COL26A1: variants seen among roughly 807,000 people sequenced by gnomAD.
COL26A1 encodes collagen type XXVI alpha 1 chain.
A neutral mutation model predicts 59.3 loss-of-function variants in COL26A1; 41 were observed. The observed-to-expected ratio is 0.69, with a 90% CI of 0.54 to 0.90. The LOEUF is 0.90. Among genes scored for constraint, COL26A1 ranks in the 40% least tolerant of loss-of-function variants. The pLI, the probability that COL26A1 is intolerant of heterozygous loss-of-function variation, is 0.00. For missense variants in COL26A1, 612 were observed against 602.3 expected, an observed-to-expected ratio of 1.02 and a Z score of -0.17; for synonymous variants, 266 against 256.0, an observed-to-expected ratio of 1.04 and a Z score of -0.37.
intron 7 of COL26A1, among the ~76,000 whole-genome samples, chr7:101,546,123 C>T (rs887144993): frequency 2.6e-5 from 4 of 152,152 alleles, no homozygotes; most frequent in African/African-American, 4.8e-5. Flanking sequence ...AGAGAGTGGA[C>T]GGGACCAGGA....
chr7:101,393,969 G>T (rs1791794781), intron 1 of COL26A1, among the ~76,000 whole-genome samples: 1 of 151,662 alleles, frequency 6.6e-6, no homozygotes, highest in Non-Finnish European at 1.5e-5. Context: ...TTAGAGATGG[G>T]ATCTTGCTAT....
At chr7:101,404,982 G>C (rs541572564) in intron 1 of COL26A1, among the ~76,000 whole-genome samples, 2 of 152,300 alleles carry the variant, frequency 1.3e-5, no homozygotes, top group South Asian at 4.1e-4. Flanking sequence ...CCAGCACTTT[G>C]GGAGGCGGAG....
intron 3 of COL26A1, among the ~76,000 whole-genome samples, chr7:101,472,186 T>G (rs1359961737): frequency 6.6e-6 from 1 of 151,600 alleles, no homozygotes; most frequent in African/African-American, 2.4e-5. Flanking sequence ...CAAATTTGTT[T>G]ATAGAGATGA....
At chr7:101,530,422 G>C (rs1795339635) in intron 3 of COL26A1, among the ~76,000 whole-genome samples, 1 of 151,820 alleles carries the variant, frequency 6.6e-6, no homozygotes, top group African/African-American at 2.4e-5. Context: ...TACACAACTA[G>C]CCGGGCGTGG....
chr7:101,427,835 A>C (rs1283287998), intron 2 of COL26A1, among the ~76,000 whole-genome samples: 1 of 151,880 alleles, frequency 6.6e-6, no homozygotes, highest in East Asian at 1.9e-4. Flanking sequence ...TAGGGGACCC[A>C]ATTCTGGTTC....
chr7:101,421,476 A>G (rs1792518961), intron 2 of COL26A1, among the ~76,000 whole-genome samples: 1 of 152,032 alleles, frequency 6.6e-6, no homozygotes, highest in South Asian at 2.1e-4. Flanking sequence ...GGACTTTGAG[A>G]GCAGCCTGGA....
intron 3 of COL26A1, among the ~76,000 whole-genome samples, chr7:101,450,611 TTG>T (rs1793307578): frequency 6.6e-6 from 1 of 151,116 alleles, no homozygotes; most frequent in African/African-American, 2.4e-5. Context: ...GATTAATTCT[TTG>T]TGTGTGTATA....
intron 2 of COL26A1, among the ~76,000 whole-genome samples, chr7:101,442,911 G>C (rs1793095896): frequency 6.6e-6 from 1 of 151,528 alleles, no homozygotes; most frequent in African/African-American, 2.4e-5. Context: ...GTGCACACGA[G>C]TGTGAGAGAG....
At position 101,438,088 on chromosome 7, in the gene COL26A1, G is replaced by A. The variant is rs368332500; in HGVS notation, c.282-9596G>A. On this transcript the variant is annotated intron_variant, in intron 2 of 12. Coordinates refer to ENST00000313669, the MANE Select transcript of COL26A1 (RefSeq NM_001278563.3). ...TTAAAAACGTCACTTGGAGCTGGGC[G>A]AGGTGGCTCATGCCTGTAATCCTAA... Among the ~76,000 whole-genome samples, 73 of 151,494 alleles carry A rather than the reference G, an allele frequency of 4.8e-4. 1 individual carries two copies. Among genetic ancestry groups the A allele is most frequent in the Admixed American group, 7.3e-4 (11 of 15,148 alleles).
intron 3 of COL26A1, among the ~76,000 whole-genome samples, chr7:101,473,403 TG>T (rs1342369888): frequency 1.4e-4 from 22 of 152,196 alleles, no homozygotes; most frequent in African/African-American, 5.3e-4. Context: ...TGCCGCTTTT[TG>T]GTCTGCTAGG....
At chr7:101,420,734 G>A (rs1162233597) in intron 2 of COL26A1, among the ~76,000 whole-genome samples, 1 of 12,644 alleles carries the variant, frequency 7.9e-5, no homozygotes, top group Non-Finnish European at 2.0e-4. Context: ...CACCAGCCCC[G>A]CCCATAGTCA....
chr7:101,380,116 C>A (rs549771234), intron 1 of COL26A1, among the ~76,000 whole-genome samples: 1 of 152,120 alleles, frequency 6.6e-6, no homozygotes, highest in Admixed American at 6.6e-5. Flanking sequence ...CTCAGCATCC[C>A]GAGTAGCTGG....
intron 3 of COL26A1, among the ~76,000 whole-genome samples, chr7:101,528,718 T>C (rs116953810): frequency 3.9e-5 from 6 of 152,080 alleles, no homozygotes; most frequent in Non-Finnish European, 8.8e-5. Context: ...TGGCTAACTT[T>C]TGTATCTTTT....
chr7:101,440,705 C>A (rs13234373), intron 2 of COL26A1, among the ~76,000 whole-genome samples: 63,182 of 152,040 alleles, frequency 0.42, 15,217 homozygotes, highest in Admixed American at 0.56. Flanking sequence ...GTGGCTCATG[C>A]CTGTAATCCC....
chr7:101,520,820 G>T (rs1006275291), intron 3 of COL26A1, among the ~76,000 whole-genome samples: 2 of 152,148 alleles, frequency 1.3e-5, no homozygotes, highest in African/African-American at 4.8e-5. Context: ...GGAAACAGCT[G>T]CTGGGGGCTG....
chr7:101,532,697 A>G (rs533597852), intron 3 of COL26A1, among the ~76,000 whole-genome samples: 1 of 152,222 alleles, frequency 6.6e-6, no homozygotes, highest in African/African-American at 2.4e-5. Flanking sequence ...TCTCAAAGTC[A>G]GGGGCCCACC....
chr7:101,389,845 G>A (rs1354810214), intron 1 of COL26A1, among the ~76,000 whole-genome samples: 6 of 152,002 alleles, frequency 3.9e-5, no homozygotes, highest in African/African-American at 1.2e-4. Flanking sequence ...GAGCCACCGC[G>A]TCTGGCAATT....
intron 1 of COL26A1, among the ~76,000 whole-genome samples, chr7:101,412,977 C>T (rs1026035275): frequency 3.3e-5 from 5 of 152,172 alleles, no homozygotes; most frequent in African/African-American, 9.7e-5. Context: ...GGTCACATTC[C>T]GAGATGGGCA....
chr7:101,499,958 A>G (rs892807922), intron 3 of COL26A1, among the ~76,000 whole-genome samples: 1 of 151,732 alleles, frequency 6.6e-6, no homozygotes, highest in Middle Eastern at 3.4e-3. Context: ...GGGTAGGGGC[A>G]GTGTTCTACC....
Sources: gnomAD v4.1 joint callset for allele counts (sites outside exome capture counted in the v4.1 genomes callset) on GRCh38, gnomAD v4.1.1 for gene constraint, MANE v1.5 for transcripts, NCBI Gene and HGNC (gene_info 2026-07-23, HGNC 2026-07-21) for gene names.